SUCLG2: variants seen among roughly 807,000 people sequenced by gnomAD.
SUCLG2 encodes succinate-CoA ligase GDP-forming subunit beta, also known as succinate--CoA ligase [GDP-forming] subunit beta, mitochondrial.
A neutral mutation model predicts 47.9 loss-of-function variants in SUCLG2; 42 were observed. The observed-to-expected ratio is 0.88, with a 90% CI of 0.69 to 1.14. The LOEUF (loss-of-function observed/expected upper bound fraction) is 1.14. Among genes scored for constraint, SUCLG2 ranks in the 50% most tolerant of loss-of-function variants. SUCLG2 has a pLI of 0.00. For missense variants in SUCLG2, 571 were observed against 525.9 expected (o/e 1.09, Z -0.84); for synonymous variants, 195 against 197.3 (o/e 0.99, Z 0.10).
intron 9 of SUCLG2, among the ~76,000 whole-genome samples, chr3:67,425,550 C>CTCTCTCTGTG (rs1462001337): frequency 6.6e-6 from 1 of 152,128 alleles, no homozygotes; most frequent in African/African-American, 2.4e-5. Flanking sequence ...GGAGGATTTG[C>CTCTCTCTGTG]TCTCTCTGTG....
chr3:67,427,432 T>C (rs1365409379), intron 9 of SUCLG2, among the ~76,000 whole-genome samples: 3 of 152,170 alleles, frequency 2.0e-5, no homozygotes, highest in Admixed American at 2.0e-4. Flanking sequence ...GCACATTATA[T>C]CCCAGAACTA....
chr3:67,634,868 A>T (rs142000973), intron 1 of SUCLG2, among the ~76,000 whole-genome samples: 58 of 152,294 alleles, frequency 3.8e-4, no homozygotes, highest in African/African-American at 1.3e-3. Context: ...GCACGTGTGT[A>T]TATGTCATAC....
chr3:67,497,238 T>G (rs765780569), intron 8 of SUCLG2, among the ~76,000 whole-genome samples: 5 of 152,324 alleles, frequency 3.3e-5, no homozygotes, highest in Non-Finnish European at 7.4e-5. Flanking sequence ...GGATGAGGTC[T>G]CTTCAGTTCT....
intron 9 of SUCLG2, among the ~76,000 whole-genome samples, chr3:67,481,545 C>T (rs905308302): frequency 6.6e-6 from 1 of 152,226 alleles, no homozygotes; most frequent in Admixed American, 6.5e-5. Context: ...AAAACACAGA[C>T]TGTGCATTTC....
intron 9 of SUCLG2, among the ~76,000 whole-genome samples, chr3:67,460,742 G>A (rs1042855287): frequency 3.3e-5 from 5 of 152,104 alleles, no homozygotes; most frequent in Middle Eastern, 3.4e-3. Flanking sequence ...TCTCATCCTC[G>A]CTCTATACTT....
chr3:67,491,277 A>G (rs1705197541), intron 9 of SUCLG2, among the ~76,000 whole-genome samples: 1 of 150,124 alleles, frequency 6.7e-6, no homozygotes, highest in South Asian at 2.1e-4. Context: ...ACCTGTGGAG[A>G]GAAAGCAGGG....
At chr3:67,491,643 C>T (rs1705209481) in intron 9 of SUCLG2, among the ~76,000 whole-genome samples, 1 of 152,150 alleles carries the variant, frequency 6.6e-6, no homozygotes, top group African/African-American at 2.4e-5. Context: ...CAGGCATGAG[C>T]CACCGCATCC....
At chr3:67,531,798 A>G (rs1706411738) in intron 2 of SUCLG2, among the ~76,000 whole-genome samples, 1 of 152,186 alleles carries the variant, frequency 6.6e-6, no homozygotes, top group Non-Finnish European at 1.5e-5. Context: ...CTCATGAAGT[A>G]ATTTAATTCA....
At chr3:67,507,217 T>A (rs1432578460) in intron 7 of SUCLG2, among the ~76,000 whole-genome samples, 1 of 152,180 alleles carries the variant, frequency 6.6e-6, no homozygotes, top group Non-Finnish European at 1.5e-5. Context: ...AAAAAATATT[T>A]ATGAATAAAG....
intron 6 of SUCLG2, among the ~76,000 whole-genome samples, chr3:67,513,567 T>C (rs1410635389): frequency 6.6e-6 from 1 of 152,204 alleles, no homozygotes; most frequent in East Asian, 1.9e-4. Flanking sequence ...GCAGACAGAA[T>C]GTGTGTGACC....
intron 2 of SUCLG2, among the ~76,000 whole-genome samples, chr3:67,547,250 C>G (rs989222852): frequency 1.3e-5 from 2 of 152,182 alleles, no homozygotes; most frequent in African/African-American, 2.4e-5. Context: ...GCCTCAGACA[C>G]TGCATCAGCC....
chr3:67,409,476 G>C (rs900695766), intron 9 of SUCLG2, among the ~76,000 whole-genome samples: 2 of 152,052 alleles, frequency 1.3e-5, no homozygotes, highest in Admixed American at 1.3e-4. Flanking sequence ...ATGATGATGG[G>C]GGCACATTCT....
At chr3:67,610,322 T>C (rs1255258235) in intron 1 of SUCLG2, among the ~76,000 whole-genome samples, 1 of 152,188 alleles carries the variant, frequency 6.6e-6, no homozygotes, top group East Asian at 1.9e-4. Flanking sequence ...CTGCAACTTG[T>C]GTATTAAAGG....
intron 9 of SUCLG2, among the ~76,000 whole-genome samples, chr3:67,478,610 A>T (rs184844640): frequency 8.4e-4 from 128 of 152,372 alleles, no homozygotes; most frequent in Non-Finnish European, 1.5e-3. Context: ...GTTATGTAGT[A>T]TCATACGTCA....
intron 9 of SUCLG2, among the ~76,000 whole-genome samples, chr3:67,485,065 T>C (rs1336541108): frequency 6.6e-6 from 1 of 152,184 alleles, no homozygotes; most frequent in African/African-American, 2.4e-5. Context: ...AGGAAGATAT[T>C]AAACTGAAAA....
chr3:67,381,836 C>T (rs138668239), intron 10 of SUCLG2, among the ~76,000 whole-genome samples: 424 of 152,248 alleles, frequency 2.8e-3, no homozygotes, highest in African/African-American at 9.6e-3. Context: ...TCGTGACCTC[C>T]TTGGCATGTT....
intron 2 of SUCLG2, among the ~76,000 whole-genome samples, chr3:67,537,290 A>G (rs1001160436): frequency 1.3e-5 from 2 of 151,578 alleles, no homozygotes; most frequent in Admixed American, 1.3e-4. Context: ...TCATTGCTCA[A>G]CTCCCACTTA....
At chr3:67,439,027 A>ATT (rs1703692708) in intron 9 of SUCLG2, among the ~76,000 whole-genome samples, 1 of 152,212 alleles carries the variant, frequency 6.6e-6, no homozygotes, top group South Asian at 2.1e-4. Flanking sequence ...CACATCAAAA[A>ATT]GCTTTTCTAC....
chr3:67,377,905 T>C (rs955594802), intron 10 of SUCLG2, among the ~76,000 whole-genome samples: 1 of 152,150 alleles, frequency 6.6e-6, no homozygotes, highest in African/African-American at 2.4e-5. Flanking sequence ...CCATCTGCCG[T>C]GGCCTCCCAA....
Sources: allele counts gnomAD v4.1 joint callset (sites outside exome capture counted in the v4.1 genomes callset), GRCh38; gene constraint gnomAD v4.1.1; transcripts MANE v1.5; gene names NCBI Gene and HGNC (gene_info 2026-07-23, HGNC 2026-07-21).